AKAP7: variants seen among roughly 807,000 people sequenced by gnomAD.
The protein encoded by AKAP7 is A kinase (PRKA) anchor protein 7.
A neutral mutation model predicts 39.5 loss-of-function variants in AKAP7; 39 were observed. The ratio of observed to expected loss-of-function variants is 0.99; its 90% CI spans 0.76 to 1.29. The LOEUF (loss-of-function observed/expected upper bound fraction) is 1.29. AKAP7 is among the 50% of genes most tolerant of loss of function. The pLI is 0.00. For synonymous variants in AKAP7, 140 were observed against 139.1 expected (o/e 1.01, Z -0.05); for missense variants, 414 against 407.7 (o/e 1.02, Z -0.13).
intron 7 of AKAP7, chr6:131,250,061 T>A: frequency 1.6e-6 from 1 of 630,736 alleles, no homozygotes; most frequent in Non-Finnish European, 2.0e-6. Flanking sequence ...GGGTTTTCTA[T>A]TCATAAACCA....
intron 5 of AKAP7, among the ~76,000 whole-genome samples, chr6:131,173,301 T>A (rs74633659): frequency 0.033 from 4,956 of 152,240 alleles, 273 homozygotes; most frequent in African/African-American, 0.11. Flanking sequence ...ATGTTGAACA[T>A]TTAACTTGTG....
chr6:131,151,793 A>G (rs1801944964), intron 2 of AKAP7, among the ~76,000 whole-genome samples: 1 of 152,212 alleles, frequency 6.6e-6, no homozygotes, highest in Non-Finnish European at 1.5e-5. Context: ...CTAAGTCAAT[A>G]GCTAAGGAAT....
intron 7 of AKAP7, among the ~76,000 whole-genome samples, chr6:131,251,492 G>C (rs1562244361): frequency 6.6e-6 from 1 of 152,042 alleles, no homozygotes; most frequent in Non-Finnish European, 1.5e-5. Context: ...TTTCATATCT[G>C]GTTCAGATAC....
chr6:131,246,084 C>T (rs1372383240), intron 7 of AKAP7, among the ~76,000 whole-genome samples: 1 of 140,264 alleles, frequency 7.1e-6, no homozygotes, highest in Non-Finnish European at 1.5e-5. Flanking sequence ...TGAGGTTTCT[C>T]AGAAGTCCAA....
intron 6 of AKAP7, among the ~76,000 whole-genome samples, chr6:131,211,088 A>G (rs1808601995): frequency 6.6e-6 from 1 of 152,222 alleles, no homozygotes; most frequent in African/African-American, 2.4e-5. Flanking sequence ...TAAGATGTAC[A>G]AAGTGGGTAT....
chr6:131,240,325 G>T (rs1056030505), intron 7 of AKAP7, among the ~76,000 whole-genome samples: 2 of 152,222 alleles, frequency 1.3e-5, no homozygotes, highest in Non-Finnish European at 2.9e-5. Context: ...CTACTGGGGG[G>T]TGTCTCCCAG....
chr6:131,169,320 A>C, intron 5 of AKAP7, 47 bp downstream of exon 5: 1 of 1,586,220 alleles, frequency 6.3e-7, no homozygotes. Flanking sequence ...TTGGAGAAGC[A>C]ATTTTTTTCA....
intron 7 of AKAP7, among the ~76,000 whole-genome samples, chr6:131,234,925 C>T (rs577704271): frequency 2.6e-5 from 4 of 151,232 alleles, no homozygotes; most frequent in Non-Finnish European, 3.0e-5. Context: ...TTTTATTATA[C>T]TTTACGTTTT....
intron 7 of AKAP7, among the ~76,000 whole-genome samples, chr6:131,259,794 A>C (rs1434549248): frequency 2.0e-5 from 3 of 152,218 alleles, no homozygotes; most frequent in East Asian, 3.9e-4. Context: ...GGAAGAGCAA[A>C]ATTTTTTTAA....
chr6:131,181,708 T>G (rs761518410), intron 5 of AKAP7, among the ~76,000 whole-genome samples: 3 of 152,190 alleles, frequency 2.0e-5, no homozygotes, highest in Non-Finnish European at 4.4e-5. Flanking sequence ...TATGCTGAAC[T>G]ACTTAGAGGT....
At chr6:131,188,655 C>T (rs1401362118) in intron 5 of AKAP7, among the ~76,000 whole-genome samples, 1 of 152,064 alleles carries the variant, frequency 6.6e-6, no homozygotes, top group African/African-American at 2.4e-5. Context: ...CTTCCCATTT[C>T]ATCCTCCTGA....
chr6:131,222,000 A>G (rs151151315), intron 7 of AKAP7, among the ~76,000 whole-genome samples: 1 of 152,352 alleles, frequency 6.6e-6, no homozygotes, highest in Non-Finnish European at 1.5e-5. Context: ...TTGTAAGGCT[A>G]TAGCTGCCAT....
At chr6:131,229,469 C>T (rs546769369) in intron 7 of AKAP7, among the ~76,000 whole-genome samples, 1 of 152,284 alleles carries the variant, frequency 6.6e-6, no homozygotes, top group South Asian at 2.1e-4. Flanking sequence ...CTGCCTCAGC[C>T]TCCCAAGTAG....
intron 7 of AKAP7, among the ~76,000 whole-genome samples, chr6:131,232,825 C>T (rs1397500096): frequency 6.6e-6 from 1 of 151,818 alleles, no homozygotes; most frequent in Non-Finnish European, 1.5e-5. Flanking sequence ...TTATTCATAT[C>T]CATAGCAGTG....
intron 7 of AKAP7, chr6:131,242,236 A>G: frequency 1.0e-6 from 1 of 966,398 alleles, no homozygotes. Flanking sequence ...GCAATTGACC[A>G]TCACAGTTTT....
At chr6:131,154,549 A>G (rs1245272587) in intron 2 of AKAP7, among the ~76,000 whole-genome samples, 1 of 149,960 alleles carries the variant, frequency 6.7e-6, no homozygotes, top group African/African-American at 2.5e-5. Context: ...AAGAAGCCTC[A>G]TGTATTCATT....
intron 5 of AKAP7, among the ~76,000 whole-genome samples, chr6:131,182,669 G>C (rs74676388): frequency 6.6e-6 from 1 of 152,146 alleles, no homozygotes; most frequent in South Asian, 2.1e-4. Flanking sequence ...ACCAGAAGTG[G>C]AATTGCTAAA....
At chr6:131,135,929 A>G in intron 1 of AKAP7, 147 bp downstream of exon 1, 1 of 955,948 alleles carries the variant, frequency 1.0e-6, no homozygotes, top group Non-Finnish European at 1.3e-6. Flanking sequence ...TCAGGGTAGC[A>G]CCGAGAAGCC....
chr6:131,249,738 C>T (rs752036468), intron 7 of AKAP7, among the ~76,000 whole-genome samples: 1 of 152,138 alleles, frequency 6.6e-6, no homozygotes, highest in Non-Finnish European at 1.5e-5. Flanking sequence ...GCTCAATCAC[C>T]TTGTGGCTTC....
Sources: allele counts gnomAD v4.1 joint callset (sites outside exome capture counted in the v4.1 genomes callset), GRCh38; gene constraint gnomAD v4.1.1; transcripts MANE v1.5; gene names NCBI Gene and HGNC (gene_info 2026-07-23, HGNC 2026-07-21).